Variants in ANKRD30A observed in about 807,000 individuals in gnomAD.
The protein encoded by ANKRD30A is ankyrin repeat domain-containing protein 30A.
Under a neutral mutation model 166.3 loss-of-function variants are expected in ANKRD30A, and 170 were observed. That is an observed-to-expected ratio of 1.02 (90% CI 0.90 to 1.16). The LOEUF (loss-of-function observed/expected upper bound fraction) is 1.16. Among genes scored for constraint, ANKRD30A ranks in the 50% most tolerant of loss-of-function variants. ANKRD30A has a pLI of 0.00. For missense variants in ANKRD30A, 1,630 were observed against 1,518.0 expected (o/e 1.07, Z -1.23); for synonymous variants, 564 against 508.9 (o/e 1.11, Z -1.46).
chr10:37,149,981 T>C, intron 11 of ANKRD30A, 132 bp downstream of exon 11: 2 of 1,252,810 alleles, frequency 1.6e-6, no homozygotes, highest in South Asian at 1.6e-5. Context: ...CCAATACTGG[T>C]ATTGATGTTT....
Position 37,141,806 on chromosome 10 carries a change from T to G in ANKRD30A, c.909T>G (p.Pro303=). 1 of 1,612,322 alleles carries G rather than the reference T, an allele frequency of 6.2e-7. No homozygotes were observed. The highest frequency in any genetic ancestry group is 8.5e-7 in the Non-Finnish European group (1 of 1,179,528). The part of the protein sequence containing the change: ...DTAESLVEKT[P]DEAAPLVERT... ...CTGAAAGCTTGGTGGAAAAAACACC[T>G]GATGAGGCTGCACCCTTGGTGGAAA... Residue 303 remains proline (P), a synonymous_variant, in exon 7 of 36, where the codon CCT becomes CCG. Transcript: ENST00000361713.
At chr10:37,247,541 T>TGCAGAGG in the ANKRD30A span, among the ~76,000 whole-genome samples, 1 of 151,936 alleles carries the variant, frequency 6.6e-6, no homozygotes, top group East Asian at 1.9e-4. Flanking sequence ...CACTGGGCTT[T>TGCAGAGG]GCAGAGGGCA....
At chr10:37,237,072 C>T (rs1843700060), downstream of ANKRD30A, among the ~76,000 whole-genome samples, 1 of 152,202 alleles carries the variant, frequency 6.6e-6, no homozygotes, top group African/African-American at 2.4e-5. Context: ...TGCACCTAAA[C>T]ATGATTGAGC....
At chr10:37,199,523 T>G (rs1588907244) in intron 29 of ANKRD30A, among the ~76,000 whole-genome samples, 1 of 152,106 alleles carries the variant, frequency 6.6e-6, no homozygotes, top group East Asian at 1.9e-4. Context: ...TGCATTCTAA[T>G]GAAATAATGT....
intron 3 of ANKRD30A, among the ~76,000 whole-genome samples, chr10:37,131,722 A>G (rs1396386267): frequency 6.6e-6 from 1 of 152,212 alleles, no homozygotes; most frequent in Non-Finnish European, 1.5e-5. Flanking sequence ...ATATTGTCAA[A>G]TAAGGAATAG....
chr10:37,132,390 C>A, intron 4 of ANKRD30A, 44 bp downstream of exon 4: 4 of 1,162,946 alleles, frequency 3.4e-6, no homozygotes, highest in South Asian at 1.7e-5. Flanking sequence ...GAGTAGTGTT[C>A]TAGAGTAATA....
At chr10:37,217,198 C>G (rs1307395035) in intron 32 of ANKRD30A, among the ~76,000 whole-genome samples, 1 of 150,800 alleles carries the variant, frequency 6.6e-6, no homozygotes, top group Non-Finnish European at 1.5e-5. Flanking sequence ...GACTCTTTAA[C>G]CTAATCTGAG....
At chr10:37,245,792 T>G in the ANKRD30A span, among the ~76,000 whole-genome samples, 1 of 152,146 alleles carries the variant, frequency 6.6e-6, no homozygotes, top group Non-Finnish European at 1.5e-5. Context: ...TCATGAAGTT[T>G]GCTGGCAAAA....
chr10:37,201,337 CT>C lies in ANKRD30A; in HGVS notation c.2869+16del. ...TGGAAAATTAGAAGGTAAGAACCAT[CT>C]TTTATTTAAAAGGTCATTTGACCAA... On this transcript the variant is annotated intron_variant, in intron 31 of 35. Coordinates refer to ENST00000361713, the MANE Select transcript of ANKRD30A (RefSeq NM_052997.3). The C allele has an allele frequency of 6.5e-7, 1 of 1,544,224 alleles. No homozygotes were observed.
chr10:37,249,504 A>G, the ANKRD30A span, among the ~76,000 whole-genome samples: 1 of 151,672 alleles, frequency 6.6e-6, no homozygotes, highest in Non-Finnish European at 1.5e-5. Context: ...AAATATTTAA[A>G]GTAGAGGAAA....
In ANKRD30A at chr10:37,219,478, G is replaced by T; in HGVS notation, c.3766G>T (p.Ala1256Ser). The T allele has an allele frequency of 6.2e-7, 1 of 1,610,174 alleles. No homozygotes were observed. Among genetic ancestry groups the T allele is most frequent in the Non-Finnish European group, 8.5e-7 (1 of 1,177,632 alleles). The change falls in exon 34 of 36, where the codon GCT becomes TCT. Residue 1256 changes from alanine (A) to serine (S), a missense_variant. Physicochemically the swap from Ala to Ser is moderately conservative, Grantham distance 99 (BLOSUM62 1). Around this residue, in one of 4 missense-constraint regions of ANKRD30A, gnomAD observed 712 missense variants for 629.3 expected, o/e 1.13. Coordinates refer to ENST00000361713, the MANE Select transcript of ANKRD30A (RefSeq NM_052997.3). ...GGTGCTCCATCAACCACTTTCTGAAGCTCAAAGGAAATCCAAAAGCCTAAA... is the reference window on the plus strand; with the variant it reads ...GGTGCTCCATCAACCACTTTCTGAATCTCAAAGGAAATCCAAAAGCCTAAA... ...NEVLHQPLSEAQRKSKSLKIN... is the reference protein window; with the variant it reads ...NEVLHQPLSESQRKSKSLKIN...
At chr10:37,248,673 A>G in the ANKRD30A span, among the ~76,000 whole-genome samples, 1 of 151,270 alleles carries the variant, frequency 6.6e-6, no homozygotes, top group Non-Finnish European at 1.5e-5. Context: ...AATTGGCTAT[A>G]TAGGAACTCA....
At position 37,219,140 on chromosome 10, in the gene ANKRD30A, A is replaced by T; in HGVS notation, c.3428A>T (p.Asn1143Ile). 6.2e-7 allele frequency: 1 copy of T among 1,610,318 alleles called. No individual in the cohort carries two copies. The highest frequency in any genetic ancestry group is 8.5e-7 in the Non-Finnish European group (1 of 1,177,422). The change falls in exon 34 of 36, where the codon AAT becomes ATT. Residue 1143 changes from asparagine to isoleucine, a missense_variant. By Grantham distance (149) the Asn-to-Ile change is moderately radical. Transcript: ENST00000361713. The part of the protein sequence containing the change: ...FEDIKILKEK[N>I]AELQMTLKLK... The stretch of plus-strand genomic sequence containing the variant: ...GACATTAAGATTTTAAAAGAAAAGA[A>T]TGCTGAACTTCAGATGACCCTAAAA...
the ANKRD30A span, among the ~76,000 whole-genome samples, chr10:37,259,193 A>G: frequency 2.6e-5 from 4 of 151,466 alleles, no homozygotes; most frequent in South Asian, 4.2e-4. Context: ...TTTATGTTCA[A>G]TAAAAAACTT....
the ANKRD30A span, among the ~76,000 whole-genome samples, chr10:37,256,451 C>T: frequency 6.6e-6 from 1 of 152,094 alleles, no homozygotes; most frequent in Non-Finnish European, 1.5e-5. Flanking sequence ...CTTATTACAC[C>T]CATCATTTTA....
chr10:37,139,629 A>T (rs994930218), intron 6 of ANKRD30A, among the ~76,000 whole-genome samples: 2 of 152,226 alleles, frequency 1.3e-5, no homozygotes, highest in African/African-American at 2.4e-5. Context: ...CCTTCCAAGA[A>T]GATTTGTGTC....
rs1448254518 is a variant in ANKRD30A, at chr10:37,191,662, T to G, written c.2513-1402T>G. On this transcript the variant is annotated intron_variant, in intron 25 of 35. Transcript: ENST00000361713. ...ATGTTGTTGTCATTCTACAGCAACT[T>G]TTTAATTTTTGTTCAGCGATTAGCT... Among the ~76,000 whole-genome samples, 3 of 152,122 alleles carry G rather than the reference T, an allele frequency of 2.0e-5. No individual in the cohort carries two copies. In the East Asian group the frequency reaches 5.8e-4, roughly 29 times the overall value.
intron 31 of ANKRD30A, among the ~76,000 whole-genome samples, chr10:37,214,823 G>A (rs1842520674): frequency 6.6e-6 from 1 of 151,128 alleles, no homozygotes; most frequent in Non-Finnish European, 1.5e-5. Context: ...CTGGATCTGT[G>A]GGATTGTAGC....
intron 6 of ANKRD30A, among the ~76,000 whole-genome samples, chr10:37,138,474 C>G (rs1052471352): frequency 6.6e-6 from 1 of 151,970 alleles, no homozygotes; most frequent in Non-Finnish European, 1.5e-5. Flanking sequence ...AGTTAAAAAC[C>G]TTGAAAAAAA....
Sources: allele counts gnomAD v4.1 joint callset (sites outside exome capture counted in the v4.1 genomes callset), GRCh38; gene constraint gnomAD v4.1.1; regional missense constraint gnomAD v4.1.1; transcripts MANE v1.5; gene names NCBI Gene and HGNC (gene_info 2026-07-23, HGNC 2026-07-21).